Variants in ZNF316 observed in about 807,000 individuals in gnomAD.
ZNF316 encodes the protein zinc finger protein 316.
In ZNF316, 23 loss-of-function variants were observed where a neutral mutation model predicts 75.6. The observed-to-expected ratio is 0.30, with a 90% CI of 0.22 to 0.43. The LOEUF is 0.43. ZNF316 is among the 20% of genes least tolerant of loss of function. The pLI, the probability that ZNF316 is intolerant of heterozygous loss-of-function variation, is 1.00. For synonymous variants in ZNF316, 827 were observed against 666.2 expected, an observed-to-expected ratio of 1.24 and a Z score of -3.72; for missense variants, 1,266 against 1,409.4, an observed-to-expected ratio of 0.90 and a Z score of 1.63.
Position 6,654,533 on chromosome 7 carries a change from G to C in ZNF316, c.2937G>C (p.Ala979=), listed in dbSNP as rs1431675125. Reference sequence around the variant, plus strand: ...GCGGCAGCGCCCTGCTGGAGTTCGCGGGCGGCACAAGCTTCGGCTCCGAGC... The same window carrying C: ...GCGGCAGCGCCCTGCTGGAGTTCGCCGGCGGCACAAGCTTCGGCTCCGAGC... ...GERGSALLEF[A]GGTSFGSEHQ... Residue 979 remains alanine (A), a synonymous_variant, in exon 9 of 9, where the codon GCG becomes GCC. Coordinates refer to ENST00000382252, the MANE Select transcript of ZNF316 (RefSeq NM_001278559.2). 1.7e-6 allele frequency: 2 copies of C among 1,180,732 alleles called. No individual in the cohort carries two copies. Among genetic ancestry groups the C allele is most frequent in the African/African-American group, 3.2e-5 (2 of 62,056 alleles). The allele number at this position is 1,180,732 out of a possible 1,614,324, so 73.1% of individuals were successfully genotyped here.
intron 8 of ZNF316, among the ~76,000 whole-genome samples, chr7:6,648,859 T>G (rs1250478451): frequency 6.6e-6 from 1 of 152,044 alleles, no homozygotes; most frequent in Non-Finnish European, 1.5e-5. Context: ...ATCTCAGCAT[T>G]AAGGTTCAAA....
rs1049532632 is a variant in ZNF316 at position 6,654,174 on chromosome 7, C to T, written c.2578C>T (p.Arg860Cys). ...RRTHTGEKPF[R>C]CADCGRGFAQ... ...CACGCACACGGGCGAGAAGCCCTTC[C>T]GCTGCGCCGACTGCGGCCGCGGCTT... Residue 860 changes from arginine (R) to cysteine (C), a missense_variant, in exon 9 of 9, where the codon CGC becomes TGC. Arg to Cys is a radical substitution (Grantham distance 180). Around this residue, in one of 3 missense-constraint regions of ZNF316, gnomAD observed 194 missense variants for 319.2 expected, o/e 0.61. Coordinates refer to ENST00000382252, the MANE Select transcript of ZNF316 (RefSeq NM_001278559.2). 4 of 1,223,472 alleles carry T rather than the reference C, an allele frequency of 3.3e-6. No individual in the cohort carries two copies. The highest frequency in any genetic ancestry group is 1.6e-5 in the African/African-American group (1 of 63,814). 75.8% of individuals were successfully genotyped at this position (1,223,472 alleles called of 1,614,324 possible). A position where few individuals can be genotyped will look rare whatever the true frequency, so the allele number is the denominator to read the frequency against.
chr7:6,643,733 C>G, intron 6 of ZNF316, 89 bp from the exon 7 acceptor site: 2 of 1,159,566 alleles, frequency 1.7e-6, no homozygotes, highest in Non-Finnish European at 2.2e-6. Flanking sequence ...CCCCTGACAC[C>G]CATGCTGGAG....
rs116226632 is a variant in ZNF316 at position 6,649,366 on chromosome 7, G to T, written c.707-2937G>T. ...GGGTACCCTGGGCTGCTGTCGCATGGTTCCTGCCCCAGTGCCCTCCAGCTG... is the reference window on the plus strand; with the variant it reads ...GGGTACCCTGGGCTGCTGTCGCATGTTTCCTGCCCCAGTGCCCTCCAGCTG... On this transcript the variant is annotated intron_variant, in intron 8 of 8. Transcript: ENST00000382252. Among the ~76,000 whole-genome samples, 1,070 of 152,254 alleles carry T rather than the reference G, an allele frequency of 7.0e-3. 15 individuals carry two copies. Among genetic ancestry groups the T allele is most frequent in the African/African-American group, 0.025 (1,022 of 41,542 alleles).
chr7:6,638,166 GAGACCTCGGTGC>G (rs1254430627), intron 2 of ZNF316, among the ~76,000 whole-genome samples, 157 bp downstream of exon 2: 2 of 152,136 alleles, frequency 1.3e-5, no homozygotes, highest in Non-Finnish European at 2.9e-5. Flanking sequence ...CTTGTGTGGG[GAGACCTCGGTGC>G]TTGGTTTGGT....
intron 8 of ZNF316, among the ~76,000 whole-genome samples, chr7:6,646,713 C>G (rs1045950278): frequency 6.6e-6 from 1 of 152,172 alleles, no homozygotes; most frequent in Non-Finnish European, 1.5e-5. Flanking sequence ...CCGCCTCCCC[C>G]AGTGCTCCCT....
intron 8 of ZNF316, among the ~76,000 whole-genome samples, chr7:6,648,384 G>A (rs1410550549): frequency 4.6e-5 from 7 of 152,166 alleles, no homozygotes; most frequent in South Asian, 4.1e-4. Flanking sequence ...AAGGAGCATC[G>A]CCTGACATTT....
chr7:6,644,040 G>C, intron 7 of ZNF316, 92 bp downstream of exon 7: 1 of 1,205,990 alleles, frequency 8.3e-7, no homozygotes, highest in African/African-American at 1.6e-5. Context: ...CAAATCCCAG[G>C]GTCTTTCCAA....
chr7:6,647,658 G>A (rs552771618), intron 8 of ZNF316, among the ~76,000 whole-genome samples: 5 of 152,356 alleles, frequency 3.3e-5, no homozygotes, highest in South Asian at 4.1e-4. Context: ...AGCCAACTCC[G>A]TGGACTCGCC....
chr7:6,653,170 C>T lies in ZNF316; in HGVS notation c.1574C>T (p.Ala525Val), dbSNP rs1230266766. ...DGPRREPGETAAAAGPEDTDP... is the reference protein window; with the variant it reads ...DGPRREPGETVAAAGPEDTDP... ...CCCCGGCGGGAGCCCGGCGAGACGG[C>T]GGCCGCCGCGGGGCCCGAGGACACG... Residue 525 changes from alanine to valine, a missense_variant, in exon 9 of 9, where the codon GCG (alanine) becomes GTG (valine). By Grantham distance (64) the Ala-to-Val change is moderately conservative. Around this residue, in one of 3 missense-constraint regions of ZNF316, gnomAD observed 961 missense variants for 990.9 expected, o/e 0.97. Coordinates refer to ENST00000382252, the MANE Select transcript of ZNF316 (RefSeq NM_001278559.2). The T allele has an allele frequency of 7.5e-6, 9 of 1,200,230 alleles. No homozygotes were observed. The highest frequency in any genetic ancestry group is 9.3e-6 in the Non-Finnish European group (9 of 968,140). The allele number at this position is 1,200,230 out of a possible 1,614,324, so 74.3% of individuals were successfully genotyped here. A position where few individuals can be genotyped will look rare whatever the true frequency, so the allele number is the denominator to read the frequency against.
rs1779235288 is a variant in ZNF316 at position 6,637,501 on chromosome 7, G to T, written c.-431+54G>T. The T allele has an allele frequency of 6.8e-6, 1 of 146,496 alleles. No individual in the cohort carries two copies. The highest frequency in any genetic ancestry group is 2.5e-5 in the African/African-American group (1 of 40,712). 9.1% of individuals were successfully genotyped at this position (146,496 alleles called of 1,614,324 possible). On this transcript the variant is annotated intron_variant, in intron 1 of 8. Transcript: ENST00000382252. The surrounding 1 kb of genome is among the most constrained non-coding windows in gnomAD (Gnocchi z 6.2). Reference sequence around the variant, plus strand: ...GGCGGCGCGGGCGGCAGGTGCGGGCGGGCCGGGCTTGCGCTCGGGGGCGGC... The same window carrying T: ...GGCGGCGCGGGCGGCAGGTGCGGGCTGGCCGGGCTTGCGCTCGGGGGCGGC...
At position 6,637,862 on chromosome 7, in the gene ZNF316, G is replaced by T. The variant is rs1779243958; in HGVS notation, c.-414G>T. 6.6e-6 allele frequency: 1 copy of T among 152,200 alleles called. No individual in the cohort carries two copies. Among genetic ancestry groups the T allele is most frequent in the Non-Finnish European group, 1.5e-5 (1 of 68,104 alleles). 9.4% of individuals were successfully genotyped at this position (152,200 alleles called of 1,614,324 possible). A position where few individuals can be genotyped will look rare whatever the true frequency, so the allele number is the denominator to read the frequency against. On this transcript the variant is annotated 5_prime_UTR_variant, in exon 2 of 9. Transcript: ENST00000382252. This position sits in a 1 kb window ranked among gnomAD's most constrained non-coding sequence, Gnocchi z 6.2. ...ATCGTCTAGGTCTCTGCAGGAGGAG[G>T]CGGCTCCGGACGCCCCCTGGGGGGC...
At chr7:6,651,299 G>T (rs981931857) in intron 8 of ZNF316, among the ~76,000 whole-genome samples, 1 of 151,048 alleles carries the variant, frequency 6.6e-6, no homozygotes, top group South Asian at 2.1e-4. Context: ...GCGGTGGGCC[G>T]AGATTCGGCC....
rs1354684536 is a variant in ZNF316, at chr7:6,640,412, A to T, written c.-167+1271A>T. On this transcript the variant is annotated intron_variant, in intron 3 of 8. Transcript: ENST00000382252. This position sits in a 1 kb window ranked among gnomAD's most constrained non-coding sequence, Gnocchi z 5.1. ...CGGTGAGGGGGAGTAGGTATGTCAC[A>T]TGGCGAAAACAGGAACAAGCAAGAG... 6.6e-6 allele frequency among the ~76,000 whole-genome samples: 1 copy of T among 152,132 alleles called. No individual in the cohort carries two copies. Among genetic ancestry groups the T allele is most frequent in the African/African-American group, 2.4e-5 (1 of 41,418 alleles).
At position 6,657,831 on chromosome 7, in the gene ZNF316, CAAAA is replaced by C. The variant is rs747347808; in HGVS notation, c.*3243_*3246del. On this transcript the variant is annotated 3_prime_UTR_variant, in exon 9 of 9. Coordinates refer to ENST00000382252, the MANE Select transcript of ZNF316 (RefSeq NM_001278559.2). ...GTGACAGAACAAGACCCTATCTCAC[CAAAA>C]AAAAAAAAAAAAAAAAAAAAAAGGT... 1.4e-4 allele frequency among the ~76,000 whole-genome samples: 4 copies of C among 27,696 alleles called. No homozygotes were observed. Among genetic ancestry groups the C allele is most frequent in the Non-Finnish European group, 1.9e-4 (3 of 15,558 alleles). The allele number at this position is 27,696 out of a possible 152,430, so 18.2% of individuals were successfully genotyped here.
At chr7:6,647,968 G>A (rs552494521) in intron 8 of ZNF316, among the ~76,000 whole-genome samples, 2 of 152,348 alleles carry the variant, frequency 1.3e-5, no homozygotes, top group East Asian at 3.9e-4. Context: ...TTACCAGACT[G>A]TTCTGGGGGC....
Position 6,653,761 on chromosome 7 carries a change from C to A in ZNF316, c.2165C>A (p.Ala722Asp). ...GCGGGCGAGCGGCCGCATCGCTGCGCCGACTGCGGCAAGAGCTTCGTGTAC... is the reference window on the plus strand; with the variant it reads ...GCGGGCGAGCGGCCGCATCGCTGCGACGACTGCGGCAAGAGCTTCGTGTAC... The part of the protein sequence containing the change: ...YHAGERPHRC[A>D]DCGKSFVYGS... The change falls in exon 9 of 9, where the codon GCC (alanine) becomes GAC (aspartate). Residue 722 changes from alanine to aspartate, a missense_variant. Transcript: ENST00000382252. The A allele has an allele frequency of 9.2e-7, 1 of 1,092,502 alleles. No homozygotes were observed. Among genetic ancestry groups the A allele is most frequent in the African/African-American group, 1.7e-5 (1 of 58,784 alleles). The allele number at this position is 1,092,502 out of a possible 1,614,324, so 67.7% of individuals were successfully genotyped here.
chr7:6,652,762 C>T lies in ZNF316; in HGVS notation c.1166C>T (p.Ala389Val). The T allele has an allele frequency of 1.6e-6, 2 of 1,267,428 alleles. No individual in the cohort carries two copies. The highest frequency in any genetic ancestry group is 9.9e-7 in the Non-Finnish European group (1 of 1,006,084). The allele number at this position is 1,267,428 out of a possible 1,614,324, so 78.5% of individuals were successfully genotyped here. Residue 389 changes from alanine to valine, a missense_variant, in exon 9 of 9, where the codon GCC becomes GTC. This residue lies in a region of ZNF316 where 961 missense variants were observed against 990.9 expected (regional missense o/e 0.97). Coordinates refer to ENST00000382252, the MANE Select transcript of ZNF316 (RefSeq NM_001278559.2). Reference protein sequence around the residue: ...GKGFVYRSHLAIHQRTHTGEK... With the variant: ...GKGFVYRSHLVIHQRTHTGEK... ...GGCTTCGTGTACCGCTCGCACTTGG[C>T]CATCCACCAGCGCACGCACACCGGC... is the stretch of plus-strand genomic sequence containing the variant.
At chr7:6,648,354 A>T in intron 8 of ZNF316, among the ~76,000 whole-genome samples, 1 of 152,154 alleles carries the variant, frequency 6.6e-6, no homozygotes, top group East Asian at 1.9e-4. Flanking sequence ...ATCTGTGGCC[A>T]CCAGGACCTG....
Sources: allele counts gnomAD v4.1 joint callset (sites outside exome capture counted in the v4.1 genomes callset), GRCh38; gene constraint gnomAD v4.1.1; regional missense constraint gnomAD v4.1.1; non-coding constraint Gnocchi (gnomAD v3.1); transcripts MANE v1.5; gene names NCBI Gene and HGNC (gene_info 2026-07-23, HGNC 2026-07-21).